Variants in ZBBX observed in about 807,000 individuals in gnomAD.
ZBBX encodes zinc finger B-box domain containing, also known as zinc finger B-box domain-containing protein 1.
Under a neutral mutation model 108.5 loss-of-function variants are expected in ZBBX, and 101 were observed. The ratio of observed to expected loss-of-function variants is 0.93; its 90% CI spans 0.79 to 1.10. The LOEUF (loss-of-function observed/expected upper bound fraction) is 1.10. ZBBX is among the 50% of genes least tolerant of loss of function. ZBBX has a pLI of 0.00. For missense variants in ZBBX, 1,009 were observed against 941.4 expected (o/e 1.07, Z -0.94); for synonymous variants, 356 against 323.4 (o/e 1.10, Z -1.08).
the ZBBX span, among the ~76,000 whole-genome samples, chr3:167,224,988 G>A: frequency 6.6e-6 from 1 of 151,848 alleles, no homozygotes; most frequent in Non-Finnish European, 1.5e-5. Flanking sequence ...CCCTCACAAT[G>A]TTTCTTGTTG....
intron 8 of ZBBX, among the ~76,000 whole-genome samples, chr3:167,350,769 T>A (rs1008655618): frequency 6.6e-6 from 1 of 151,884 alleles, no homozygotes; most frequent in East Asian, 1.9e-4. Context: ...ATAAATGTAG[T>A]TTTAATGTAG....
the ZBBX span, among the ~76,000 whole-genome samples, chr3:167,188,599 T>A: frequency 1.3e-5 from 2 of 152,178 alleles, no homozygotes; most frequent in Non-Finnish European, 1.5e-5. Flanking sequence ...GAGACACACA[T>A]CTAATATTTA....
rs529309238 is a variant in ZBBX at position 167,275,587 on chromosome 3, G to A, written c.2254+6651C>T. On this transcript the variant is annotated intron_variant, in intron 20 of 21. Transcript: ENST00000675490. ...TTTTCCAACGGGCTTAAAAAACGGC[G>A]CACCAGGAGATTATATCCCGCACAT... 7.2e-5 allele frequency among the ~76,000 whole-genome samples: 11 copies of A among 152,278 alleles called. No individual in the cohort carries two copies. The East Asian group carries it at 9.7e-4, about 13-fold the overall frequency.
chr3:167,280,048 T>C (rs1163628119), intron 20 of ZBBX, among the ~76,000 whole-genome samples: 2 of 151,958 alleles, frequency 1.3e-5, no homozygotes, highest in East Asian at 3.9e-4. Flanking sequence ...TAGCCATATG[T>C]AGAAAGCTGA....
At chr3:167,256,404 C>G (rs1235050919) in intron 20 of ZBBX, among the ~76,000 whole-genome samples, 2 of 151,642 alleles carry the variant, frequency 1.3e-5, no homozygotes, top group Non-Finnish European at 2.9e-5. Flanking sequence ...ATAAGCACAT[C>G]ATGGAGAATG....
chr3:167,198,137 T>G, the ZBBX span, among the ~76,000 whole-genome samples: 1 of 152,138 alleles, frequency 6.6e-6, no homozygotes, highest in South Asian at 2.1e-4. Flanking sequence ...GTACCCAAAA[T>G]AGATGAAACC....
At chr3:167,189,474 T>C in the ZBBX span, among the ~76,000 whole-genome samples, 1 of 152,050 alleles carries the variant, frequency 6.6e-6, no homozygotes, top group Non-Finnish European at 1.5e-5. Context: ...ATGCTAGACA[T>C]GCACACACTC....
At chr3:167,196,095 ATACTC>A in the ZBBX span, among the ~76,000 whole-genome samples, 1 of 152,144 alleles carries the variant, frequency 6.6e-6, no homozygotes, top group East Asian at 1.9e-4. Context: ...ATATCACTGA[ATACTC>A]TAATGATGAG....
At chr3:167,201,166 G>C in the ZBBX span, among the ~76,000 whole-genome samples, 1 of 152,054 alleles carries the variant, frequency 6.6e-6, no homozygotes, top group African/African-American at 2.4e-5. Context: ...GTATTACAAA[G>C]TAAAATATAG....
At chr3:167,305,561 T>G in intron 17 of ZBBX, 82 bp downstream of exon 17, 52 of 1,085,556 alleles carry the variant, frequency 4.8e-5, no homozygotes, top group Non-Finnish European at 5.7e-5. Flanking sequence ...GGAAGTAACT[T>G]GAGAATGTAT....
At chr3:167,229,251 C>A in the ZBBX span, among the ~76,000 whole-genome samples, 161 of 151,878 alleles carry the variant, frequency 1.1e-3, no homozygotes, top group Non-Finnish European at 8.3e-4. Flanking sequence ...ACCCATCTCT[C>A]CCAATTGAGA....
the ZBBX span, among the ~76,000 whole-genome samples, chr3:167,222,592 G>A: frequency 9.9e-5 from 15 of 151,980 alleles, no homozygotes; most frequent in Non-Finnish European, 1.9e-4. Context: ...TTGTAACACC[G>A]AGGAAGAAGA....
At position 167,242,634 on chromosome 3, in the gene ZBBX, T is replaced by C. The variant is rs768395438; in HGVS notation, c.2264A>G (p.Glu755Gly). ...QVLRSLADTS[E>G]KLYSLTSEEF... ...TTCTGAGGTTAAGCTGTAAAGCTTT[T>C]CTGAAGTATCTGAAATATTTTATTT... The change falls in exon 21 of 22, where the codon GAA becomes GGA. Residue 755 changes from glutamate (E) to glycine (G), a missense_variant. Transcript: ENST00000675490. The C allele has an allele frequency of 1.3e-5, 21 of 1,609,298 alleles. No individual in the cohort carries two copies. In the Admixed American group the frequency reaches 3.6e-4, roughly 27 times the overall value.
At chr3:167,251,356 A>G (rs1386428910) in intron 20 of ZBBX, among the ~76,000 whole-genome samples, 1 of 152,180 alleles carries the variant, frequency 6.6e-6, no homozygotes, top group Admixed American at 6.5e-5. Context: ...CAAGCCACCT[A>G]TAGATGGCAA....
chr3:167,235,217 G>A (rs1720184126), downstream of ZBBX, among the ~76,000 whole-genome samples: 1 of 151,638 alleles, frequency 6.6e-6, no homozygotes, highest in African/African-American at 2.4e-5. Context: ...AAAGTCAGAG[G>A]AGAAAGTAAA....
chr3:167,180,068 G>A, the ZBBX span, among the ~76,000 whole-genome samples: 6 of 152,254 alleles, frequency 3.9e-5, no homozygotes, highest in African/African-American at 1.4e-4. Flanking sequence ...GAATTAGTAT[G>A]TGGAAGAAAA....
At chr3:167,318,039 A>G (rs1392378944) in intron 12 of ZBBX, among the ~76,000 whole-genome samples, 7 of 151,984 alleles carry the variant, frequency 4.6e-5, no homozygotes, top group Non-Finnish European at 1.5e-5. Flanking sequence ...GGGTGGTAAC[A>G]TAGGCTCCTA....
intron 6 of ZBBX, among the ~76,000 whole-genome samples, chr3:167,362,698 C>T (rs116061415): frequency 2.3e-4 from 35 of 152,250 alleles, no homozygotes; most frequent in African/African-American, 8.4e-4. Context: ...TTCACCAAAG[C>T]ACTTCCCACA....
chr3:167,273,980 A>T (rs114104058), intron 20 of ZBBX, among the ~76,000 whole-genome samples: 2 of 152,248 alleles, frequency 1.3e-5, no homozygotes, highest in African/African-American at 4.8e-5. Flanking sequence ...TAATTACACT[A>T]GAAATGCTGT....
Sources: gnomAD v4.1 joint callset for allele counts (sites outside exome capture counted in the v4.1 genomes callset) on GRCh38, gnomAD v4.1.1 for gene constraint, MANE v1.5 for transcripts, NCBI Gene and HGNC (gene_info 2026-07-23, HGNC 2026-07-21) for gene names.